Variants in NCALD observed in about 807,000 individuals in gnomAD.
NCALD encodes the protein neurocalcin-delta.
In NCALD, 10 loss-of-function variants were observed where a neutral mutation model predicts 18.6. The observed-to-expected ratio is 0.54, with a 90% CI of 0.33 to 0.91. NCALD has a LOEUF of 0.91. Ranked by LOEUF, NCALD falls within the 40% of genes least tolerant of loss-of-function variation. The pLI, the probability that NCALD is intolerant of heterozygous loss-of-function variation, is 0.03. For missense variants in NCALD, 184 were observed against 247.6 expected, an observed-to-expected ratio of 0.74 and a Z score of 1.72; for synonymous variants, 88 against 87.4, an observed-to-expected ratio of 1.01 and a Z score of -0.04.
chr8:101,785,684 T>C lies in NCALD; in HGVS notation c.-20+5178A>G, dbSNP rs949216562. 3.3e-5 allele frequency among the ~76,000 whole-genome samples: 5 copies of C among 152,306 alleles called. No homozygotes were observed. The East Asian group carries it at 7.7e-4, about 24-fold the overall frequency. Reference sequence around the variant, plus strand: ...GGAGAGATATTTTTGGAAATATCACTAATTTAAAGACTCCTTTCATAAAAT... The same window carrying C: ...GGAGAGATATTTTTGGAAATATCACCAATTTAAAGACTCCTTTCATAAAAT... On this transcript the variant is annotated intron_variant, in intron 1 of 3. Coordinates refer to ENST00000220931, the MANE Select transcript of NCALD (RefSeq NM_032041.3).
chr8:101,897,369 G>A (rs1388161903), intron 3 of NCALD, among the ~76,000 whole-genome samples: 1 of 131,212 alleles, frequency 7.6e-6, no homozygotes, highest in Admixed American at 7.9e-5. Context: ...ACTGTGGTGG[G>A]GTGGGGGGAG....
intron 4 of NCALD, among the ~76,000 whole-genome samples, chr8:101,830,372 C>T (rs192193046): frequency 1.8e-4 from 27 of 152,094 alleles, no homozygotes; most frequent in Admixed American, 1.6e-3. Context: ...TCCAGCCTGG[C>T]CAACATAGTG....
intron 1 of NCALD, among the ~76,000 whole-genome samples, chr8:101,729,322 A>T (rs1325018622): frequency 6.6e-6 from 1 of 152,210 alleles, no homozygotes; most frequent in African/African-American, 2.4e-5. Flanking sequence ...GTTATATAAT[A>T]ATCTCACTAA....
At chr8:101,909,527 T>C (rs1817717956) in intron 3 of NCALD, among the ~76,000 whole-genome samples, 1 of 152,214 alleles carries the variant, frequency 6.6e-6, no homozygotes, top group Non-Finnish European at 1.5e-5. Flanking sequence ...GTCATGCTAT[T>C]TACTATATGC....
intron 2 of NCALD, among the ~76,000 whole-genome samples, chr8:101,717,917 T>C (rs1816162332): frequency 6.6e-6 from 1 of 152,232 alleles, no homozygotes; most frequent in African/African-American, 2.4e-5. Context: ...AGTAGCAGAA[T>C]AGAATAACAT....
chr8:101,992,206 G>GT (rs1025979033), intron 2 of NCALD, among the ~76,000 whole-genome samples: 1 of 152,124 alleles, frequency 6.6e-6, no homozygotes, highest in African/African-American at 2.4e-5. Context: ...CAAATGTCCG[G>GT]TGGGCTTGTT....
intron 3 of NCALD, among the ~76,000 whole-genome samples, chr8:101,890,050 C>A (rs998548861): frequency 8.5e-5 from 13 of 152,062 alleles, no homozygotes; most frequent in African/African-American, 2.9e-4. Context: ...TGCATTCATC[C>A]AAAGGTACAA....
chr8:101,942,406 CACAGTCCAATAGAGA>C (rs1342165673), intron 2 of NCALD, among the ~76,000 whole-genome samples: 5 of 152,116 alleles, frequency 3.3e-5, no homozygotes, highest in African/African-American at 1.2e-4. Flanking sequence ...GTGAAGAGAT[CACAGTCCAATAGAGA>C]AAACAGAATC....
intron 1 of NCALD, among the ~76,000 whole-genome samples, chr8:102,100,541 G>C (rs537182203): frequency 3.9e-4 from 59 of 152,276 alleles, no homozygotes; most frequent in African/African-American, 1.4e-3. Flanking sequence ...GCAGAGCTGG[G>C]AAATTTTTGA....
In NCALD at chr8:101,773,862, G is replaced by C. The variant is rs763765075; in HGVS notation, c.-20+17000C>G. On this transcript the variant is annotated intron_variant, in intron 1 of 3. Coordinates refer to ENST00000220931, the MANE Select transcript of NCALD (RefSeq NM_032041.3). ...GAAGAGGTTTAAGAATCATGGACAC[G>C]ACTCTGATTATTATGTGCTCTTGGG... 2.0e-5 allele frequency among the ~76,000 whole-genome samples: 3 copies of C among 152,248 alleles called. No individual in the cohort carries two copies. In the East Asian group the frequency reaches 5.8e-4, roughly 29 times the overall value.
At chr8:101,905,306 G>A (rs959726554) in intron 3 of NCALD, among the ~76,000 whole-genome samples, 1 of 150,054 alleles carries the variant, frequency 6.7e-6, no homozygotes, top group African/African-American at 2.5e-5. Context: ...TCTCTCTGGT[G>A]TATTTCTCTT....
chr8:102,037,777 C>G (rs538516010), intron 1 of NCALD, among the ~76,000 whole-genome samples: 9 of 152,166 alleles, frequency 5.9e-5, no homozygotes, highest in African/African-American at 2.2e-4. Context: ...CTTAGCATGC[C>G]CATCTAGGAA....
intron 1 of NCALD, among the ~76,000 whole-genome samples, chr8:101,719,915 C>G (rs562800569): frequency 6.6e-6 from 1 of 152,108 alleles, no homozygotes; most frequent in Non-Finnish European, 1.5e-5. Flanking sequence ...GCAAAAGGTT[C>G]AGAGAGAGCG....
intron 1 of NCALD, among the ~76,000 whole-genome samples, chr8:102,101,189 G>A (rs140031431): frequency 1.1e-4 from 17 of 152,286 alleles, no homozygotes; most frequent in Admixed American, 3.3e-4. Flanking sequence ...GTGTGCACGC[G>A]TCCTCTCTAA....
At chr8:101,965,872 C>T (rs971836570) in intron 2 of NCALD, among the ~76,000 whole-genome samples, 5 of 152,144 alleles carry the variant, frequency 3.3e-5, no homozygotes, top group African/African-American at 4.8e-5. Context: ...AATAGCAATG[C>T]TGTGCTGTGT....
intron 4 of NCALD, among the ~76,000 whole-genome samples, chr8:101,851,897 G>C (rs767947901): frequency 4.6e-5 from 7 of 152,080 alleles, no homozygotes; most frequent in Non-Finnish European, 1.0e-4. Flanking sequence ...GGGGCTTTTC[G>C]AGAGGTGATT....
At chr8:101,864,958 C>T (rs142146488) in intron 4 of NCALD, among the ~76,000 whole-genome samples, 94 of 152,268 alleles carry the variant, frequency 6.2e-4, no homozygotes, top group African/African-American at 2.2e-3. Context: ...CTTAAGGACT[C>T]AACACAGATT....
intron 2 of NCALD, among the ~76,000 whole-genome samples, chr8:101,937,586 T>C (rs76400700): frequency 0.07 from 10,685 of 152,262 alleles, 989 homozygotes; most frequent in African/African-American, 0.21. Flanking sequence ...CTGTCATTGA[T>C]GGGCATATAG....
intron 3 of NCALD, among the ~76,000 whole-genome samples, chr8:101,887,996 A>G (rs548890442): frequency 1.3e-5 from 2 of 152,294 alleles, no homozygotes; most frequent in Non-Finnish European, 2.9e-5. Context: ...TCAAGATCAT[A>G]TATCTATCAT....
Sources: allele counts gnomAD v4.1 joint callset (sites outside exome capture counted in the v4.1 genomes callset), GRCh38; gene constraint gnomAD v4.1.1; transcripts MANE v1.5; gene names NCBI Gene and HGNC (gene_info 2026-07-23, HGNC 2026-07-21).